The following TMC1 variants were observed in gnomAD, a reference collection of about 807,000 sequenced individuals.
The protein encoded by TMC1 is transmembrane channel like 1.
Under a neutral mutation model 105.8 loss-of-function variants are expected in TMC1, and 84 were observed. The observed-to-expected ratio is 0.79, with a 90% confidence interval of 0.67 to 0.95. The LOEUF is 0.95. Among genes scored for constraint, TMC1 ranks in the 40% least tolerant of loss-of-function variants. TMC1 has a pLI of 0.00. For missense variants in TMC1, 817 were observed against 914.1 expected (o/e 0.89, Z 1.37); for synonymous variants, 315 against 311.5 (o/e 1.01, Z -0.12).
At chr9:72,615,394 T>C (rs1042479480) in intron 2 of TMC1, among the ~76,000 whole-genome samples, 1 of 152,146 alleles carries the variant, frequency 6.6e-6, no homozygotes, top group African/African-American at 2.4e-5. Context: ...TCAACCACTC[T>C]CTGAGACTGC....
chr9:72,613,506 G>T (rs1347414002), intron 2 of TMC1, among the ~76,000 whole-genome samples: 1 of 152,032 alleles, frequency 6.6e-6, no homozygotes, highest in South Asian at 2.1e-4. Context: ...TAGTCTTTTT[G>T]CCCCCTGATT....
chr9:72,530,035 G>T (rs752215254), intron 1 of TMC1, among the ~76,000 whole-genome samples: 1 of 152,154 alleles, frequency 6.6e-6, no homozygotes, highest in Non-Finnish European at 1.5e-5. Context: ...ATTTCTACAT[G>T]ATCATGTTAA....
In TMC1 at chr9:72,584,784, C is replaced by CTT. The variant is rs71357591; in HGVS notation, c.-306+6778_-306+6779dup. Reference sequence around the variant, plus strand: ...GTAGTTCTCCTTTTTCTTTTCTTTTCTTTTTTTTTTTTTTTTTTGAGACAG... The same window carrying CTT: ...GTAGTTCTCCTTTTTCTTTTCTTTTCTTTTTTTTTTTTTTTTTTTTGAGACAG... On this transcript the variant is annotated intron_variant, in intron 2 of 23. Coordinates refer to ENST00000297784, the MANE Select transcript of TMC1 (RefSeq NM_138691.3). Among the ~76,000 whole-genome samples the CTT allele has an allele frequency of 9.3e-4, 105 of 112,984 alleles. 1 individual carries two copies. Among genetic ancestry groups the CTT allele is most frequent in the African/African-American group, 3.2e-3 (92 of 28,408 alleles). The allele number at this position is 112,984 out of a possible 152,430, so 74.1% of individuals were successfully genotyped here.
chr9:72,808,248 A>G (rs1451513581), intron 18 of TMC1, among the ~76,000 whole-genome samples: 18 of 152,164 alleles, frequency 1.2e-4, no homozygotes, highest in Admixed American at 1.0e-3. Context: ...TTTATGCTCA[A>G]ACATGGGCTG....
chr9:72,643,783 G>GTAAA (rs1222729442), intron 4 of TMC1, among the ~76,000 whole-genome samples: 1 of 152,122 alleles, frequency 6.6e-6, no homozygotes, highest in Non-Finnish European at 1.5e-5. Context: ...TTTCTCTTGG[G>GTAAA]TAAATGTCTT....
chr9:72,836,607 GCC>G lies in TMC1; in HGVS notation c.*635_*636del, dbSNP rs996643176. On this transcript the variant is annotated 3_prime_UTR_variant, in exon 24 of 24. Coordinates refer to ENST00000297784, the MANE Select transcript of TMC1 (RefSeq NM_138691.3). ...AAAAAAAAATCCTATATGAATTGGG[GCC>G]TGGATAGCACTGAGTTGAAGATCTT... The G allele has an allele frequency of 4.0e-4, 61 of 153,142 alleles. No homozygotes were observed. Among genetic ancestry groups the G allele is most frequent in the African/African-American group, 1.4e-3 (56 of 41,478 alleles). 9.5% of individuals were successfully genotyped at this position (153,142 alleles called of 1,614,324 possible).
chr9:72,576,861 C>A (rs527491697), intron 1 of TMC1, among the ~76,000 whole-genome samples: 1 of 151,912 alleles, frequency 6.6e-6, no homozygotes, highest in South Asian at 2.1e-4. Flanking sequence ...GATCTCCTGA[C>A]CTCGTGATCC....
intron 6 of TMC1, among the ~76,000 whole-genome samples, chr9:72,690,304 G>T (rs1048804444): frequency 6.6e-6 from 1 of 151,860 alleles, no homozygotes; most frequent in African/African-American, 2.4e-5. Context: ...ATCCATTAAC[G>T]TATTTTTATA....
intron 10 of TMC1, among the ~76,000 whole-genome samples, chr9:72,744,927 C>G (rs936314822): frequency 1.3e-5 from 2 of 152,196 alleles, no homozygotes; most frequent in African/African-American, 4.8e-5. Context: ...GTAGAAAAGA[C>G]AGATTGAGAG....
chr9:72,675,250 T>G (rs952896854), intron 5 of TMC1, among the ~76,000 whole-genome samples: 2 of 152,274 alleles, frequency 1.3e-5, no homozygotes, highest in African/African-American at 4.8e-5. Context: ...CAAACTCATT[T>G]CTTGGGGAAC....
chr9:72,553,584 A>T (rs994732256), intron 1 of TMC1, among the ~76,000 whole-genome samples: 3 of 152,166 alleles, frequency 2.0e-5, no homozygotes, highest in African/African-American at 7.2e-5. Flanking sequence ...GTATGCTCAT[A>T]TTTTATCAGA....
chr9:72,830,216 G>T, intron 21 of TMC1, among the ~76,000 whole-genome samples: 1 of 152,110 alleles, frequency 6.6e-6, no homozygotes, highest in Non-Finnish European at 1.5e-5. Flanking sequence ...TGGATCAGGA[G>T]CCTTGGGCCC....
chr9:72,798,378 G>T (rs1488877190), intron 17 of TMC1, among the ~76,000 whole-genome samples: 1 of 151,964 alleles, frequency 6.6e-6, no homozygotes, highest in Non-Finnish European at 1.5e-5. Flanking sequence ...TATACCCAGA[G>T]GTATATAAAT....
intron 8 of TMC1, among the ~76,000 whole-genome samples, chr9:72,713,433 G>A (rs144355486): frequency 0.017 from 2,581 of 152,110 alleles, 66 homozygotes; most frequent in African/African-American, 0.059. Context: ...GCTATTAATT[G>A]CTGCCTCAAT....
intron 2 of TMC1, among the ~76,000 whole-genome samples, chr9:72,608,702 CAAAA>C (rs10548842): frequency 8.1e-5 from 10 of 122,766 alleles, no homozygotes; most frequent in African/African-American, 8.5e-5. Flanking sequence ...GACTTCATCT[CAAAA>C]AAAAAAAAAA....
intron 18 of TMC1, among the ~76,000 whole-genome samples, chr9:72,814,145 A>G (rs1238257491): frequency 6.6e-6 from 1 of 152,326 alleles, no homozygotes; most frequent in South Asian, 2.1e-4. Context: ...GGGCCACCTC[A>G]TGATACCATT....
rs531117959 is a variant in TMC1, at chr9:72,631,028, C to T, written c.-53+2965C>T. 9.2e-5 allele frequency among the ~76,000 whole-genome samples: 14 copies of T among 151,974 alleles called. No homozygotes were observed. In the South Asian group the frequency reaches 1.7e-3, roughly 18 times the overall value. ...AATTACAGGTGCACACCATCACGCC[C>T]GGCTAATTTTTGTATTTTTGGTAGA... On this transcript the variant is annotated intron_variant, in intron 4 of 23. Coordinates refer to ENST00000297784, the MANE Select transcript of TMC1 (RefSeq NM_138691.3).
chr9:72,546,976 C>T (rs1407345009), intron 1 of TMC1, among the ~76,000 whole-genome samples: 1 of 152,050 alleles, frequency 6.6e-6, no homozygotes, highest in Non-Finnish European at 1.5e-5. Context: ...CATGGTCCAT[C>T]CGTGAATCTT....
Position 72,524,284 on chromosome 9 carries a change from AG to A in TMC1, c.-428+2373del, listed in dbSNP as rs775919569. The stretch of plus-strand genomic sequence containing the variant: ...TTTATTCTGCCCAAACGTCTCAAAA[AG>A]GAAAAAAATAATTTTAAGGGTAAAT... On this transcript the variant is annotated intron_variant, in intron 1 of 23. Transcript: ENST00000297784. Among the ~76,000 whole-genome samples, 123 of 152,228 alleles carry A rather than the reference AG, an allele frequency of 8.1e-4. 1 individual carries two copies. The highest frequency in any genetic ancestry group is 2.8e-4 in the Non-Finnish European group (19 of 68,038).
Sources: allele counts gnomAD v4.1 joint callset (sites outside exome capture counted in the v4.1 genomes callset), GRCh38; gene constraint gnomAD v4.1.1; transcripts MANE v1.5; gene names NCBI Gene and HGNC (gene_info 2026-07-23, HGNC 2026-07-21).